NBAS: variants seen among roughly 807,000 people sequenced by gnomAD.
NBAS encodes the protein NBAS subunit of NRZ tethering complex.
Under a neutral mutation model 302.5 loss-of-function variants are expected in NBAS, and 219 were observed. The ratio of observed to expected loss-of-function variants is 0.72; its 90% CI spans 0.65 to 0.81. NBAS has a LOEUF of 0.81. Among genes scored for constraint, NBAS ranks in the 30% least tolerant of loss-of-function variants. NBAS has a pLI of 0.00. For synonymous variants in NBAS, 1,118 were observed against 1,021.6 expected (o/e 1.09, Z -1.80); for missense variants, 2,932 against 2,841.6 (o/e 1.03, Z -0.72).
At chr2:14,922,236 C>G in the NBAS span, among the ~76,000 whole-genome samples, 9 of 152,156 alleles carry the variant, frequency 5.9e-5, no homozygotes, top group African/African-American at 2.2e-4. Context: ...CTTTACTGGA[C>G]ACTGGCTTTC....
chr2:15,271,935 T>C (rs1669343905), intron 44 of NBAS, among the ~76,000 whole-genome samples: 1 of 152,226 alleles, frequency 6.6e-6, no homozygotes, highest in African/African-American at 2.4e-5. Flanking sequence ...AAAAAGCATT[T>C]AGATTTGGTA....
chr2:15,418,199 A>G (rs1445879805), intron 23 of NBAS, among the ~76,000 whole-genome samples: 4 of 152,210 alleles, frequency 2.6e-5, no homozygotes, highest in African/African-American at 9.6e-5. Context: ...AAGTCATTCA[A>G]TAAATATTTG....
rs1662842939 is a variant in NBAS at position 15,524,811 on chromosome 2, T to A, written c.746+9732A>T. Among the ~76,000 whole-genome samples the A allele has an allele frequency of 2.0e-5, 3 of 152,044 alleles. No individual in the cohort carries two copies. In the South Asian group the frequency reaches 6.2e-4, roughly 32 times the overall value. ...ACCTAGGTATGCATTTTTTTTTTTT[T>A]AATTCTCAACAGGTAATTCTGATGT... On this transcript the variant is annotated intron_variant, in intron 9 of 51. Transcript: ENST00000281513.
chr2:15,397,798 C>A, intron 26 of NBAS: 1 of 212,790 alleles, frequency 4.7e-6, no homozygotes, highest in South Asian at 1.0e-4. Flanking sequence ...AGGCCCGCAC[C>A]AGAGAAAAGA....
intron 47 of NBAS, among the ~76,000 whole-genome samples, chr2:15,228,100 G>A (rs190867127): frequency 3.4e-4 from 52 of 152,140 alleles, no homozygotes; most frequent in African/African-American, 9.9e-4. Context: ...CAGATAAGGC[G>A]TTAATATTCA....
the NBAS span, among the ~76,000 whole-genome samples, chr2:15,003,737 T>C: frequency 6.6e-6 from 1 of 152,330 alleles, no homozygotes; most frequent in South Asian, 2.1e-4. Context: ...TCATTACCAC[T>C]TTGTCACTTT....
chr2:14,801,486 T>A, the NBAS span, among the ~76,000 whole-genome samples: 2 of 152,180 alleles, frequency 1.3e-5, no homozygotes, highest in Non-Finnish European at 2.9e-5. Flanking sequence ...AGTTTTTATT[T>A]CTAGAAATTT....
rs576549302 is a variant in NBAS, at chr2:15,223,575, A to T, written c.6237-4607T>A. ...GTAATACAAATGATTTTTAAAAGTC[A>T]TGAAATACACTTTGGGAGGCTGAGG... On this transcript the variant is annotated intron_variant, in intron 47 of 51. Transcript: ENST00000281513. Among the ~76,000 whole-genome samples the T allele has an allele frequency of 4.6e-5, 7 of 152,292 alleles. No homozygotes were observed. In the South Asian group the frequency reaches 1.2e-3, roughly 27 times the overall value.
At chr2:15,148,752 T>G in the NBAS span, among the ~76,000 whole-genome samples, 2 of 152,218 alleles carry the variant, frequency 1.3e-5, no homozygotes, top group Non-Finnish European at 2.9e-5. Context: ...TAGAATTTGG[T>G]GCCCTGTGTT....
the NBAS span, among the ~76,000 whole-genome samples, chr2:14,994,510 TG>T: frequency 3.3e-5 from 5 of 152,114 alleles, no homozygotes; most frequent in Non-Finnish European, 5.9e-5. Context: ...CTAGGATATA[TG>T]GGATTCCAGA....
At chr2:15,445,246 G>C (rs1184599540) in intron 21 of NBAS, among the ~76,000 whole-genome samples, 1 of 147,844 alleles carries the variant, frequency 6.8e-6, no homozygotes, top group Non-Finnish European at 1.5e-5. Flanking sequence ...CAAAGACTTG[G>C]AACCAACCCA....
At chr2:15,511,789 C>T (rs1353900264) in intron 9 of NBAS, among the ~76,000 whole-genome samples, 1 of 152,106 alleles carries the variant, frequency 6.6e-6, no homozygotes, top group African/African-American at 2.4e-5. Flanking sequence ...TGGGAAAGAA[C>T]CACAGAGCAA....
At chr2:14,962,808 T>G in the NBAS span, among the ~76,000 whole-genome samples, 2 of 152,116 alleles carry the variant, frequency 1.3e-5, no homozygotes, top group African/African-American at 2.4e-5. Context: ...TTTAGGACAC[T>G]GAAATTTTTA....
At chr2:15,321,644 C>T (rs934533137) in intron 38 of NBAS, among the ~76,000 whole-genome samples, 3 of 152,164 alleles carry the variant, frequency 2.0e-5, no homozygotes, top group South Asian at 2.1e-4. Flanking sequence ...TGAAAAAATG[C>T]CCATTATCAC....
Position 15,534,554 on chromosome 2 carries a change from G to A in NBAS, c.735C>T (p.His245=), listed in dbSNP as rs761845283. Residue 245 remains histidine (H), a synonymous_variant, in exon 9 of 52, where the codon CAC becomes CAT. Transcript: ENST00000281513. ...YPHGINTAIY[H]PGHRLLLVGG... The stretch of plus-strand genomic sequence containing the variant: ...AAATGGTTACTTACCTGTGACCAGG[G>A]TGGTAAATAGCTGTGTTGATTCCAT... 1.2e-5 allele frequency: 20 copies of A among 1,605,306 alleles called. No individual in the cohort carries two copies.
intron 9 of NBAS, among the ~76,000 whole-genome samples, chr2:15,519,609 CT>C (rs1558407341): frequency 6.6e-6 from 1 of 151,694 alleles, no homozygotes; most frequent in Non-Finnish European, 1.5e-5. Flanking sequence ...TAATTTTTTT[CT>C]TTTTTTAAAC....
intron 21 of NBAS, among the ~76,000 whole-genome samples, chr2:15,443,831 A>G (rs953877468): frequency 8.5e-5 from 13 of 152,184 alleles, no homozygotes; most frequent in Admixed American, 7.2e-4. Context: ...CAATGTACAA[A>G]AATCACAAGC....
the NBAS span, among the ~76,000 whole-genome samples, chr2:15,021,679 A>G: frequency 6.6e-6 from 1 of 152,114 alleles, no homozygotes; most frequent in Admixed American, 6.5e-5. Context: ...ATTTGGGCTC[A>G]CAGGCCTAGA....
intron 45 of NBAS, 100 bp downstream of exon 45, chr2:15,238,368 A>C: frequency 8.3e-7 from 1 of 1,200,056 alleles, no homozygotes. Flanking sequence ...GGATATCTGC[A>C]AGCCTGAAAA....
Sources: allele counts gnomAD v4.1 joint callset (sites outside exome capture counted in the v4.1 genomes callset), GRCh38; gene constraint gnomAD v4.1.1; transcripts MANE v1.5; gene names NCBI Gene and HGNC (gene_info 2026-07-23, HGNC 2026-07-21).